LTBP1: variants seen among roughly 807,000 people sequenced by gnomAD.
The protein encoded by LTBP1 is latent transforming growth factor beta binding protein 1.
Under a neutral mutation model 207.6 loss-of-function variants are expected in LTBP1, and 129 were observed. The observed-to-expected ratio is 0.62, with a 90% confidence interval of 0.54 to 0.72. The LOEUF (loss-of-function observed/expected upper bound fraction) is 0.72. Ranked by LOEUF, LTBP1 falls within the 30% of genes least tolerant of loss-of-function variation. The probability of loss-of-function intolerance (pLI) is 0.00; values close to 1 mark genes in which losing one functional copy is unlikely to be tolerated. For synonymous variants in LTBP1, 963 were observed against 833.7 expected, an observed-to-expected ratio of 1.16 and a Z score of -2.67; for missense variants, 2,281 against 2,217.2, an observed-to-expected ratio of 1.03 and a Z score of -0.58.
intron 15 of LTBP1, among the ~76,000 whole-genome samples, chr2:33,263,677 G>T (rs546525431): frequency 6.6e-6 from 1 of 152,268 alleles, no homozygotes; most frequent in Admixed American, 6.5e-5. Flanking sequence ...ATACAGGCTG[G>T]GTGCGGTGGC....
chr2:33,215,718 TTTTTG>T (rs1558828632), intron 7 of LTBP1, among the ~76,000 whole-genome samples: 11 of 143,960 alleles, frequency 7.6e-5, no homozygotes, highest in Non-Finnish European at 1.5e-4. Flanking sequence ...TTTCTTTTGT[TTTTTG>T]TTTTTTTTTT....
In LTBP1 at chr2:32,964,740, TATGTCAAAAATATTTTTTA is replaced by T. The variant is rs535741102; in HGVS notation, c.565+15813_565+15831del. ...AGTATTTGTAACATTAAAAAAAATT[TATGTCAAAAATATTTTTTA>T]ATGTCAAAAATATTTTTCAATACTT... On this transcript the variant is annotated intron_variant, in intron 2 of 33. Transcript: ENST00000404816. 6.2e-3 allele frequency among the ~76,000 whole-genome samples: 938 copies of T among 152,282 alleles called. 12 individuals carry two copies. Among genetic ancestry groups the T allele is most frequent in the African/African-American group, 0.021 (891 of 41,554 alleles).
chr2:32,953,491 C>T (rs911456), intron 2 of LTBP1, among the ~76,000 whole-genome samples: 1,529 of 152,330 alleles, frequency 0.01, 33 homozygotes, highest in African/African-American at 0.035. Flanking sequence ...TGTCATGTGA[C>T]ACAGACAACC....
At chr2:33,079,891 A>T in intron 3 of LTBP1, among the ~76,000 whole-genome samples, 1 of 151,766 alleles carries the variant, frequency 6.6e-6, no homozygotes, top group East Asian at 1.9e-4. Context: ...ATGCTTCTTT[A>T]CTCCTTTTGA....
intron 2 of LTBP1, among the ~76,000 whole-genome samples, chr2:32,990,670 G>A (rs978635735): frequency 6.6e-6 from 1 of 152,178 alleles, no homozygotes; most frequent in Non-Finnish European, 1.5e-5. Context: ...ATGTGTGTGT[G>A]GGAGCAATCT....
chr2:33,334,319 A>G (rs1328799260), intron 24 of LTBP1, among the ~76,000 whole-genome samples: 1 of 152,282 alleles, frequency 6.6e-6, no homozygotes, highest in African/African-American at 2.4e-5. Flanking sequence ...CCTCTATGCC[A>G]TTACCCATGG....
chr2:33,139,799 G>C (rs1385900037), intron 5 of LTBP1, among the ~76,000 whole-genome samples: 1 of 152,186 alleles, frequency 6.6e-6, no homozygotes, highest in Non-Finnish European at 1.5e-5. Context: ...AAGCAGAGGT[G>C]GTTTCTGGGA....
At position 33,000,846 on chromosome 2, in the gene LTBP1, T is replaced by C. The variant is rs1685979582; in HGVS notation, c.566-20063T>C. On this transcript the variant is annotated intron_variant, in intron 2 of 33. Coordinates refer to ENST00000404816, the MANE Select transcript of LTBP1 (RefSeq NM_206943.4). ...GGGAGAGGTAAGAGGAGAACCAAGGTTGTTGACAGGAGGGGGGGTTCAAAC... is the reference window on the plus strand; with the variant it reads ...GGGAGAGGTAAGAGGAGAACCAAGGCTGTTGACAGGAGGGGGGGTTCAAAC... Among the ~76,000 whole-genome samples the C allele has an allele frequency of 1.5e-5, 2 of 134,240 alleles. 1 individual carries two copies. Among genetic ancestry groups the C allele is most frequent in the Admixed American group, 1.5e-4 (2 of 13,030 alleles). The allele number at this position is 134,240 out of a possible 152,430, so 88.1% of individuals were successfully genotyped here. A position where few individuals can be genotyped will look rare whatever the true frequency, so the allele number is the denominator to read the frequency against.
intron 2 of LTBP1, among the ~76,000 whole-genome samples, chr2:32,952,819 G>T (rs1041015338): frequency 3.3e-5 from 5 of 152,216 alleles, no homozygotes; most frequent in Non-Finnish European, 7.3e-5. Flanking sequence ...AAAGAGAGGA[G>T]AGTGAGGCTG....
chr2:33,005,814 C>T (rs1158891800), intron 2 of LTBP1, among the ~76,000 whole-genome samples: 2 of 152,024 alleles, frequency 1.3e-5, no homozygotes, highest in Non-Finnish European at 2.9e-5. Context: ...CTCGAACTCC[C>T]GACCTCAGGT....
At chr2:33,351,929 C>A (rs1483215207) in intron 26 of LTBP1, among the ~76,000 whole-genome samples, 1 of 152,168 alleles carries the variant, frequency 6.6e-6, no homozygotes, top group Non-Finnish European at 1.5e-5. Flanking sequence ...GATATTTCAT[C>A]TGCTTTGGAG....
At chr2:33,342,617 TG>T (rs1024200101) in intron 24 of LTBP1, among the ~76,000 whole-genome samples, 1 of 152,242 alleles carries the variant, frequency 6.6e-6, no homozygotes, top group African/African-American at 2.4e-5. Flanking sequence ...AAGTACTAAA[TG>T]TTTTTTTCAT....
At position 33,162,310 on chromosome 2, in the gene LTBP1, G is replaced by A. The variant is rs183153892; in HGVS notation, c.1202-24546G>A. 1.9e-4 allele frequency among the ~76,000 whole-genome samples: 29 copies of A among 152,256 alleles called. No individual in the cohort carries two copies. In the East Asian group the frequency reaches 4.0e-3, roughly 21 times the overall value. The stretch of plus-strand genomic sequence containing the variant: ...GTCAATACCTTAAAAATAAAAATTA[G>A]TTCTTCCTTAATCATTATTTTTCTT... On this transcript the variant is annotated intron_variant, in intron 5 of 33. Transcript: ENST00000404816.
chr2:33,005,741 C>T (rs888424705), intron 2 of LTBP1, among the ~76,000 whole-genome samples: 3 of 152,048 alleles, frequency 2.0e-5, no homozygotes, highest in African/African-American at 4.8e-5. Flanking sequence ...CGCCCGCCAA[C>T]ATGCCTGGCT....
At chr2:33,247,936 A>C (rs1038022437) in intron 10 of LTBP1, among the ~76,000 whole-genome samples, 3 of 152,238 alleles carry the variant, frequency 2.0e-5, no homozygotes, top group Non-Finnish European at 4.4e-5. Context: ...TGCCCATGGT[A>C]ACATTTTCTC....
intron 3 of LTBP1, among the ~76,000 whole-genome samples, chr2:33,077,427 G>A (rs1157121767): frequency 6.6e-6 from 1 of 152,214 alleles, no homozygotes; most frequent in African/African-American, 2.4e-5. Context: ...AAGCACGGCA[G>A]CATCTGCTTC....
At chr2:33,287,464 A>T (rs1042486233) in intron 19 of LTBP1, among the ~76,000 whole-genome samples, 1 of 152,236 alleles carries the variant, frequency 6.6e-6, no homozygotes, top group Non-Finnish European at 1.5e-5. Flanking sequence ...GAGCATAGAA[A>T]GGAGAAAGCC....
At chr2:33,067,078 A>T (rs903457916) in intron 3 of LTBP1, among the ~76,000 whole-genome samples, 2 of 152,186 alleles carry the variant, frequency 1.3e-5, no homozygotes, top group Non-Finnish European at 2.9e-5. Context: ...AGGCTGAGGC[A>T]GGAGGATTCC....
chr2:33,368,904 A>C (rs1230336072), intron 31 of LTBP1, among the ~76,000 whole-genome samples: 1 of 152,160 alleles, frequency 6.6e-6, no homozygotes, highest in Non-Finnish European at 1.5e-5. Flanking sequence ...TATACCCCCA[A>C]AATACTGTAA....
Sources: gnomAD v4.1 joint callset for allele counts (sites outside exome capture counted in the v4.1 genomes callset) on GRCh38, gnomAD v4.1.1 for gene constraint, MANE v1.5 for transcripts, NCBI Gene and HGNC (gene_info 2026-07-23, HGNC 2026-07-21) for gene names.